Variants in CSMD1 observed in about 807,000 individuals in gnomAD.
CSMD1 encodes CUB and sushi domain-containing protein 1.
A neutral mutation model predicts 417.5 loss-of-function variants in CSMD1; 213 were observed. The ratio of observed to expected loss-of-function variants is 0.51; its 90% CI spans 0.46 to 0.57. CSMD1 has a LOEUF of 0.57. Among genes scored for constraint, CSMD1 ranks in the 20% least tolerant of loss-of-function variants. CSMD1 has a pLI of 0.00. For synonymous variants in CSMD1, 2,862 were observed against 1,736.8 expected, an observed-to-expected ratio of 1.65 and a Z score of -16.11; for missense variants, 6,923 against 4,529.7, an observed-to-expected ratio of 1.53 and a Z score of -15.17.
At chr8:2,986,090 C>G (rs1366701632) in intron 54 of CSMD1, among the ~76,000 whole-genome samples, 2 of 151,748 alleles carry the variant, frequency 1.3e-5, no homozygotes, top group Non-Finnish European at 2.9e-5. Context: ...GGACTGATAA[C>G]CAGGTTACAG....
chr8:3,073,308 G>C (rs916069536), intron 49 of CSMD1, among the ~76,000 whole-genome samples: 1 of 151,730 alleles, frequency 6.6e-6, no homozygotes, highest in Non-Finnish European at 1.5e-5. Flanking sequence ...AACATAGAAA[G>C]TAGTTGGAAT....
intron 52 of CSMD1, among the ~76,000 whole-genome samples, chr8:3,010,780 G>C (rs943706272): frequency 1.5e-3 from 210 of 143,010 alleles, no homozygotes; most frequent in African/African-American, 5.3e-3. Flanking sequence ...ATTTTGCTCT[G>C]TCACTCAGGC....
chr8:3,859,651 A>G (rs926671107), intron 5 of CSMD1, among the ~76,000 whole-genome samples: 1 of 152,144 alleles, frequency 6.6e-6, no homozygotes, highest in East Asian at 1.9e-4. Flanking sequence ...TGACCTGAAG[A>G]GTGAGTTCAA....
At chr8:3,914,401 T>A (rs943997924) in intron 5 of CSMD1, among the ~76,000 whole-genome samples, 6 of 152,098 alleles carry the variant, frequency 3.9e-5, no homozygotes, top group Non-Finnish European at 8.8e-5. Context: ...ATAAAGATGT[T>A]TGGTGCAAGA....
At chr8:4,976,908 A>T (rs1810594051) in intron 1 of CSMD1, among the ~76,000 whole-genome samples, 1 of 152,208 alleles carries the variant, frequency 6.6e-6, no homozygotes. Context: ...CATAAAAAAA[A>T]ATCCTCCAGA....
intron 3 of CSMD1, among the ~76,000 whole-genome samples, chr8:4,065,753 T>A (rs1799213028): frequency 6.6e-6 from 1 of 152,158 alleles, no homozygotes; most frequent in South Asian, 2.1e-4. Context: ...AACACATAAA[T>A]GCTAAATATT....
chr8:4,269,538 C>T (rs554604789), intron 3 of CSMD1, among the ~76,000 whole-genome samples: 10 of 152,150 alleles, frequency 6.6e-5, no homozygotes, highest in South Asian at 4.1e-4. Flanking sequence ...CTCAATATAT[C>T]GCATTCATCT....
chr8:3,770,562 A>C (rs1008500304), intron 5 of CSMD1, among the ~76,000 whole-genome samples: 1 of 152,120 alleles, frequency 6.6e-6, no homozygotes, highest in African/African-American at 2.4e-5. Context: ...AAGAAAGAAC[A>C]TAATAGGAAC....
intron 5 of CSMD1, among the ~76,000 whole-genome samples, chr8:3,923,286 C>G (rs1809406821): frequency 6.6e-6 from 1 of 152,150 alleles, no homozygotes; most frequent in Non-Finnish European, 1.5e-5. Context: ...GGAGCCCAGG[C>G]TGTCCCTTCC....
At chr8:3,302,776 C>T (rs929957824) in intron 25 of CSMD1, among the ~76,000 whole-genome samples, 1 of 152,188 alleles carries the variant, frequency 6.6e-6, no homozygotes, top group Non-Finnish European at 1.5e-5. Flanking sequence ...CCTTCATGCA[C>T]TTTCTCACAG....
chr8:4,320,952 C>T (rs1034282753), intron 3 of CSMD1, among the ~76,000 whole-genome samples: 1 of 152,140 alleles, frequency 6.6e-6, no homozygotes, highest in African/African-American at 2.4e-5. Flanking sequence ...GAGGTCCTAG[C>T]CACTCTGCCA....
At chr8:4,209,498 C>T (rs186645076) in intron 3 of CSMD1, among the ~76,000 whole-genome samples, 4 of 152,320 alleles carry the variant, frequency 2.6e-5, no homozygotes, top group Non-Finnish European at 5.9e-5. Flanking sequence ...TAACCTCACT[C>T]CCATGGCCCC....
chr8:3,512,210 A>G (rs565850191), intron 10 of CSMD1, among the ~76,000 whole-genome samples: 1 of 152,114 alleles, frequency 6.6e-6, no homozygotes, highest in Non-Finnish European at 1.5e-5. Context: ...CACCTAATTT[A>G]CCACCGCTCC....
chr8:4,165,179 G>C (rs1335875762), intron 3 of CSMD1, among the ~76,000 whole-genome samples: 1 of 152,096 alleles, frequency 6.6e-6, no homozygotes, highest in African/African-American at 2.4e-5. Context: ...CCTACGCCTA[G>C]CCAGTAACTA....
At chr8:4,446,574 G>A (rs1331451276) in intron 2 of CSMD1, among the ~76,000 whole-genome samples, 1 of 152,126 alleles carries the variant, frequency 6.6e-6, no homozygotes, top group Non-Finnish European at 1.5e-5. Context: ...TTGTGGGGAA[G>A]ATGGAGTCTC....
intron 2 of CSMD1, among the ~76,000 whole-genome samples, chr8:4,636,652 A>T (rs1802829665): frequency 6.6e-6 from 1 of 152,258 alleles, no homozygotes; most frequent in Non-Finnish European, 1.5e-5. Context: ...TCTGTTTCAC[A>T]GATCTTGAAC....
At chr8:3,524,538 C>G (rs968998841) in intron 10 of CSMD1, among the ~76,000 whole-genome samples, 1 of 151,118 alleles carries the variant, frequency 6.6e-6, no homozygotes, top group African/African-American at 2.5e-5. Context: ...TACGCACACA[C>G]AAGCACACAC....
At chr8:3,261,601 G>A (rs1256138543) in intron 26 of CSMD1, among the ~76,000 whole-genome samples, 3 of 152,148 alleles carry the variant, frequency 2.0e-5, no homozygotes, top group Non-Finnish European at 4.4e-5. Flanking sequence ...TTACCCAGGT[G>A]TCCTTCGGCG....
At chr8:4,350,795 C>A (rs1464177345) in intron 3 of CSMD1, among the ~76,000 whole-genome samples, 1 of 152,128 alleles carries the variant, frequency 6.6e-6, no homozygotes. Context: ...AAATTCCCAG[C>A]ATCTAGTTAC....
Sources: allele counts gnomAD v4.1 joint callset (sites outside exome capture counted in the v4.1 genomes callset), GRCh38; gene constraint gnomAD v4.1.1; transcripts MANE v1.5; gene names NCBI Gene and HGNC (gene_info 2026-07-23, HGNC 2026-07-21).